Variants in NECAB1 observed in about 807,000 individuals in gnomAD.
NECAB1 encodes the protein N-terminal EF-hand calcium binding protein 1.
Under a neutral mutation model 57.5 loss-of-function variants are expected in NECAB1, and 29 were observed. That is an observed-to-expected ratio of 0.50 (90% CI 0.38 to 0.69). The LOEUF (loss-of-function observed/expected upper bound fraction) is 0.69, where lower values mean the gene tolerates loss of function less well. Among genes scored for constraint, NECAB1 ranks in the 30% least tolerant of loss-of-function variants. The pLI, the probability that NECAB1 is intolerant of heterozygous loss-of-function variation, is 0.00. For missense variants in NECAB1, 372 were observed against 413.8 expected (o/e 0.90, Z 0.88); for synonymous variants, 142 against 147.7 (o/e 0.96, Z 0.28).
intron 5 of NECAB1, among the ~76,000 whole-genome samples, chr8:90,915,839 CAAAGAA>C (rs1338321607): frequency 2.6e-5 from 4 of 152,138 alleles, no homozygotes; most frequent in African/African-American, 9.7e-5. Context: ...GTCCAAAAGC[CAAAGAA>C]CTTGGAGTCT....
rs533509218 is a variant in NECAB1 at position 90,935,362 on chromosome 8, G to C, written c.747+1005G>C. ...GCTACTGTTAGAATCCTATAGTTATGAATACTTTACCCCGATAAGCTAGAT... is the reference window on the plus strand; with the variant it reads ...GCTACTGTTAGAATCCTATAGTTATCAATACTTTACCCCGATAAGCTAGAT... On this transcript the variant is annotated intron_variant, in intron 9 of 12. Transcript: ENST00000417640. 9.9e-5 allele frequency among the ~76,000 whole-genome samples: 15 copies of C among 152,226 alleles called. No homozygotes were observed. The East Asian group carries it at 2.9e-3, about 29-fold the overall frequency.
intron 5 of NECAB1, among the ~76,000 whole-genome samples, chr8:90,895,389 A>G (rs1456385513): frequency 1.3e-5 from 2 of 152,220 alleles, no homozygotes; most frequent in African/African-American, 2.4e-5. Flanking sequence ...ACACTGAGGA[A>G]GCATAGGAAT....
chr8:90,932,873 T>G (rs187175107), intron 8 of NECAB1, among the ~76,000 whole-genome samples: 219 of 152,272 alleles, frequency 1.4e-3, no homozygotes, highest in African/African-American at 4.8e-3. Context: ...TAGGTTTCAC[T>G]GGGGACATTA....
intron 2 of NECAB1, among the ~76,000 whole-genome samples, chr8:90,821,887 C>T (rs919898967): frequency 1.3e-5 from 2 of 151,658 alleles, no homozygotes; most frequent in Admixed American, 6.6e-5. Context: ...AATGGCAAAA[C>T]GTGTTAAAAA....
In NECAB1 at chr8:90,884,443, A is replaced by G. The variant is rs552381587; in HGVS notation, c.357+3313A>G. On this transcript the variant is annotated intron_variant, in intron 5 of 12. Transcript: ENST00000417640. Reference sequence around the variant, plus strand: ...ACTATGAAAAAGATGAAATAGCAATAGGACACAGAATTTCTATTTGGGACA... The same window carrying G: ...ACTATGAAAAAGATGAAATAGCAATGGGACACAGAATTTCTATTTGGGACA... Among the ~76,000 whole-genome samples, 4 of 152,322 alleles carry G rather than the reference A, an allele frequency of 2.6e-5. No homozygotes were observed. In the East Asian group the frequency reaches 7.7e-4, roughly 29 times the overall value.
chr8:90,828,848 G>C (rs1812263093), intron 3 of NECAB1, among the ~76,000 whole-genome samples: 1 of 152,000 alleles, frequency 6.6e-6, no homozygotes, highest in African/African-American at 2.4e-5. Context: ...TTTGTCATCA[G>C]GGCAAAGTAT....
rs192180833 is a variant in NECAB1 at position 90,912,527 on chromosome 8, C to T, written c.358-4965C>T. Among the ~76,000 whole-genome samples, 53 of 152,238 alleles carry T rather than the reference C, an allele frequency of 3.5e-4. No homozygotes were observed. In the East Asian group the frequency reaches 9.8e-3, roughly 28 times the overall value. ...ATCCAAAATTATAATTTTGTCTCCT[C>T]GTTCACTAATCTGAGAATCTATCAT... is the stretch of plus-strand genomic sequence containing the variant. On this transcript the variant is annotated intron_variant, in intron 5 of 12. Transcript: ENST00000417640.
chr8:90,813,232 TATACACACACAC>T (rs1811997927), intron 2 of NECAB1: 2 of 49,504 alleles, frequency 4.0e-5, no homozygotes, highest in African/African-American at 1.9e-4. Flanking sequence ...TATATGTATA[TATACACACACAC>T]ACACACACAC....
At chr8:90,800,650 C>A (rs1461298808) in intron 1 of NECAB1, among the ~76,000 whole-genome samples, 5 of 152,126 alleles carry the variant, frequency 3.3e-5, no homozygotes, top group Admixed American at 1.3e-4. Flanking sequence ...ACAATTCAAC[C>A]TACAATATAT....
chr8:90,893,235 G>A (rs573846343), intron 5 of NECAB1, among the ~76,000 whole-genome samples: 1 of 152,110 alleles, frequency 6.6e-6, no homozygotes, highest in East Asian at 1.9e-4. Context: ...CTCCAAGTGG[G>A]GTGTCGGTGG....
At chr8:90,887,411 T>C (rs1359793821) in intron 5 of NECAB1, among the ~76,000 whole-genome samples, 1 of 152,204 alleles carries the variant, frequency 6.6e-6, no homozygotes, top group Non-Finnish European at 1.5e-5. Flanking sequence ...CAAACATAGT[T>C]TTAAAAAGCT....
chr8:90,928,368 C>A, intron 8 of NECAB1, 69 bp downstream of exon 8: 1 of 1,205,436 alleles, frequency 8.3e-7, no homozygotes, highest in Non-Finnish European at 1.2e-6. Flanking sequence ...TTCCCCATTG[C>A]TTTATATCCA....
intron 10 of NECAB1, among the ~76,000 whole-genome samples, chr8:90,947,060 C>T (rs761891682): frequency 6.6e-6 from 1 of 152,088 alleles, no homozygotes; most frequent in Non-Finnish European, 1.5e-5. Context: ...TGGAACAGAG[C>T]AATACATGTA....
chr8:90,819,617 CA>C, intron 2 of NECAB1, among the ~76,000 whole-genome samples: 1 of 152,038 alleles, frequency 6.6e-6, no homozygotes, highest in Non-Finnish European at 1.5e-5. Context: ...CAATATCATA[CA>C]GGAGTCCTTC....
chr8:90,863,899 A>T (rs1808457272), intron 3 of NECAB1, among the ~76,000 whole-genome samples: 4 of 152,156 alleles, frequency 2.6e-5, no homozygotes. Flanking sequence ...CATTTCTTGG[A>T]AATAAATTCT....
At chr8:90,867,301 C>A (rs1225386539) in intron 3 of NECAB1, among the ~76,000 whole-genome samples, 3 of 152,058 alleles carry the variant, frequency 2.0e-5, no homozygotes, top group African/African-American at 4.8e-5. Flanking sequence ...TTTGGAAATT[C>A]AAAATAAATC....
chr8:90,948,304 G>C (rs928495610), intron 10 of NECAB1, among the ~76,000 whole-genome samples: 2 of 152,030 alleles, frequency 1.3e-5, no homozygotes, highest in African/African-American at 4.8e-5. Context: ...TAATTCTTAT[G>C]ATTCCATAGT....
intron 4 of NECAB1, among the ~76,000 whole-genome samples, chr8:90,877,920 A>T (rs1808757178): frequency 6.6e-6 from 1 of 152,160 alleles, no homozygotes; most frequent in African/African-American, 2.4e-5. Context: ...AGCTGCTTCC[A>T]TGCCCTTCCT....
intron 3 of NECAB1, among the ~76,000 whole-genome samples, chr8:90,858,497 C>T (rs901957315): frequency 2.0e-5 from 3 of 152,020 alleles, no homozygotes; most frequent in Non-Finnish European, 4.4e-5. Flanking sequence ...AACACTTCCT[C>T]ATTGCCAGAA....
Sources: gnomAD v4.1 joint callset for allele counts (sites outside exome capture counted in the v4.1 genomes callset) on GRCh38, gnomAD v4.1.1 for gene constraint, MANE v1.5 for transcripts, NCBI Gene and HGNC (gene_info 2026-07-23, HGNC 2026-07-21) for gene names.